Variants in PLLP observed in about 807,000 individuals in gnomAD.
PLLP encodes plasmolipin, also known as plasma membrane proteolipid (plasmolipin).
A neutral mutation model predicts 19.7 loss-of-function variants in PLLP; 15 were observed. The ratio of observed to expected loss-of-function variants is 0.76; its 90% CI spans 0.51 to 1.17. The LOEUF is 1.17. PLLP is among the 50% of genes most tolerant of loss of function. The pLI, the probability that PLLP is intolerant of heterozygous loss-of-function variation, is 0.00. For synonymous variants in PLLP, 111 were observed against 116.3 expected (o/e 0.95, Z 0.29); for missense variants, 255 against 258.3 (o/e 0.99, Z 0.09).
intron 1 of PLLP, among the ~76,000 whole-genome samples, chr16:57,270,216 C>T (rs1310540993): frequency 6.9e-6 from 1 of 145,326 alleles, no homozygotes; most frequent in African/African-American, 2.6e-5. Context: ...TTCCAGCCCC[C>T]AAGTCCTTTA....
rs370728373 is a variant in PLLP at position 57,273,584 on chromosome 16, G to A, written c.135+10822C>T. 2.6e-5 allele frequency among the ~76,000 whole-genome samples: 4 copies of A among 152,208 alleles called. No homozygotes were observed. In the East Asian group the frequency reaches 5.8e-4, roughly 22 times the overall value. Reference sequence around the variant, plus strand: ...CAATCAGGGCTCAGCCCACTGGGCTGCCAAGAAAGACAGCACCCCCACCAC... The same window carrying A: ...CAATCAGGGCTCAGCCCACTGGGCTACCAAGAAAGACAGCACCCCCACCAC... On this transcript the variant is annotated intron_variant, in intron 1 of 3. Transcript: ENST00000219207.
chr16:57,272,732 G>A (rs1368547201), intron 1 of PLLP, among the ~76,000 whole-genome samples: 4 of 151,514 alleles, frequency 2.6e-5, no homozygotes, highest in African/African-American at 7.3e-5. Flanking sequence ...TAGGAGGAAC[G>A]CTTGAGCCCA....
intron 1 of PLLP, among the ~76,000 whole-genome samples, chr16:57,262,386 C>T (rs924145746): frequency 5.8e-4 from 88 of 151,834 alleles, no homozygotes; most frequent in African/African-American, 2.1e-3. Flanking sequence ...ACCCTGTCTC[C>T]ACTAAAAATA....
chr16:57,269,054 G>C (rs2146444060), intron 1 of PLLP, among the ~76,000 whole-genome samples: 2 of 152,294 alleles, frequency 1.3e-5, no homozygotes, highest in South Asian at 4.1e-4. Context: ...CAGAAATCCA[G>C]CCCAGCCCTC....
intron 1 of PLLP, among the ~76,000 whole-genome samples, chr16:57,271,929 G>A (rs1172102072): frequency 1.3e-5 from 2 of 151,880 alleles, no homozygotes; most frequent in African/African-American, 4.8e-5. Context: ...CCTTCCCAGG[G>A]TCTCCTAGGC....
intron 2 of PLLP, among the ~76,000 whole-genome samples, chr16:57,260,015 C>T (rs909288939): frequency 4.0e-5 from 6 of 151,264 alleles, no homozygotes; most frequent in East Asian, 1.9e-4. Flanking sequence ...CAAAAGATTT[C>T]GCTCCAAAGG....
At chr16:57,260,995 A>T (rs2075440084) in intron 2 of PLLP, among the ~76,000 whole-genome samples, 1 of 150,808 alleles carries the variant, frequency 6.6e-6, no homozygotes, top group Admixed American at 6.6e-5. Context: ...CCAGAGGGAA[A>T]TTTTTTTTTT....
chr16:57,258,442 A>G lies in PLLP; in HGVS notation c.432+20T>C. On this transcript the variant is annotated intron_variant, in intron 3 of 3. Transcript: ENST00000219207. ...CTGAGACCCTGCAGACCACCAAGGG[A>G]GCCTGGGAAGCAGACTCACCGAGGC... The G allele has an allele frequency of 6.2e-7, 1 of 1,605,764 alleles. No individual in the cohort carries two copies. Among genetic ancestry groups the G allele is most frequent in the Non-Finnish European group, 8.5e-7 (1 of 1,179,336 alleles).
In PLLP at chr16:57,284,575, C is replaced by T. The variant is rs1375008801; in HGVS notation, c.-35G>A. 7.6e-7 allele frequency: 1 copy of T among 1,319,386 alleles called. No individual in the cohort carries two copies. The highest frequency in any genetic ancestry group is 2.4e-5 in the South Asian group (1 of 41,534). The allele number at this position is 1,319,386 out of a possible 1,614,324, so 81.7% of individuals were successfully genotyped here. A position where few individuals can be genotyped will look rare whatever the true frequency, so the allele number is the denominator to read the frequency against. On this transcript the variant is annotated 5_prime_UTR_variant, in exon 1 of 4. Transcript: ENST00000219207. ...GCTTGCCTCCCGAGGTCGCTACGGC[C>T]GCCGTCGCCGCCCCTCCAGCGGTGG...
At chr16:57,282,573 T>A (rs1169607361) in intron 1 of PLLP, among the ~76,000 whole-genome samples, 1 of 151,922 alleles carries the variant, frequency 6.6e-6, no homozygotes, top group African/African-American at 2.4e-5. Flanking sequence ...CCAGTCATCA[T>A]CCTCCACCCA....
At chr16:57,269,430 G>A (rs1199631536) in intron 1 of PLLP, among the ~76,000 whole-genome samples, 1 of 152,190 alleles carries the variant, frequency 6.6e-6, no homozygotes, top group Non-Finnish European at 1.5e-5. Flanking sequence ...GGACCCTAGG[G>A]GGACACCTGC....
In PLLP at chr16:57,284,432, G is replaced by C; in HGVS notation, c.109C>G (p.Leu37Val). ...RPDLGFVRSR[L>V]GALMLLQLVL... ...AGCTGCAGCAGCATGAGCGCCCCGA[G>C]GCGGGAGCGCACGAAGCCCAGGTCC... The change falls in exon 1 of 4, where the codon CTC becomes GTC. Residue 37 changes from leucine (L) to valine (V), a missense_variant. Physicochemically the swap from Leu to Val is conservative, Grantham distance 32 (BLOSUM62 1). Coordinates refer to ENST00000219207, the MANE Select transcript of PLLP (RefSeq NM_015993.3). 7.1e-7 allele frequency: 1 copy of C among 1,405,344 alleles called. No homozygotes were observed. Among genetic ancestry groups the C allele is most frequent in the Non-Finnish European group, 9.3e-7 (1 of 1,077,538 alleles). 87.1% of individuals were successfully genotyped at this position (1,405,344 alleles called of 1,614,324 possible). A position where few individuals can be genotyped will look rare whatever the true frequency, so the allele number is the denominator to read the frequency against.
intron 3 of PLLP, among the ~76,000 whole-genome samples, chr16:57,257,780 G>T (rs371916895): frequency 2.0e-5 from 3 of 152,236 alleles, no homozygotes; most frequent in East Asian, 1.9e-4. Context: ...AAACCAAAAG[G>T]TTTTTGCACG....
chr16:57,275,640 G>A (rs1438361511), intron 1 of PLLP, among the ~76,000 whole-genome samples: 1 of 9,500 alleles, frequency 1.1e-4, no homozygotes, highest in Non-Finnish European at 2.0e-4. Context: ...ATTTTGCAAG[G>A]CAAAAAAAAA....
At chr16:57,271,770 C>T (rs1278518421) in intron 1 of PLLP, among the ~76,000 whole-genome samples, 3 of 152,128 alleles carry the variant, frequency 2.0e-5, no homozygotes, top group Admixed American at 6.6e-5. Flanking sequence ...CTCCACAGGC[C>T]GCCCCCAGGT....
intron 1 of PLLP, among the ~76,000 whole-genome samples, chr16:57,277,328 G>A (rs1247848627): frequency 1.3e-5 from 2 of 152,198 alleles, no homozygotes; most frequent in South Asian, 2.1e-4. Flanking sequence ...GGTGGCTCAC[G>A]CCTGTAATCC....
intron 1 of PLLP, among the ~76,000 whole-genome samples, chr16:57,263,878 C>T (rs1386643138): frequency 2.6e-5 from 4 of 152,178 alleles, no homozygotes; most frequent in Non-Finnish European, 5.9e-5. Context: ...CCTCTTTTTC[C>T]CCTGGTCAGC....
At chr16:57,276,847 T>C (rs1006092586) in intron 1 of PLLP, among the ~76,000 whole-genome samples, 2 of 152,052 alleles carry the variant, frequency 1.3e-5, no homozygotes, top group Non-Finnish European at 2.9e-5. Context: ...TGGAAACATA[T>C]CGTACAGATG....
chr16:57,278,486 C>T (rs1901180333), intron 1 of PLLP, among the ~76,000 whole-genome samples: 1 of 152,218 alleles, frequency 6.6e-6, no homozygotes, highest in Non-Finnish European at 1.5e-5. Flanking sequence ...AATCCAACTA[C>T]AGCTTTAGTG....
Sources: allele counts gnomAD v4.1 joint callset (sites outside exome capture counted in the v4.1 genomes callset), GRCh38; gene constraint gnomAD v4.1.1; transcripts MANE v1.5; gene names NCBI Gene and HGNC (gene_info 2026-07-23, HGNC 2026-07-21).